COL4A3: variants seen among roughly 807,000 people sequenced by gnomAD.
COL4A3 encodes the protein collagen type IV alpha 3 chain.
COL4A3 carries 135 observed loss-of-function variants against 217.4 expected under a neutral mutation model. The observed-to-expected ratio is 0.62, with a 90% confidence interval of 0.54 to 0.72. COL4A3 has a LOEUF of 0.72. Among genes scored for constraint, COL4A3 ranks in the 30% least tolerant of loss-of-function variants. The pLI, the probability that COL4A3 is intolerant of heterozygous loss-of-function variation, is 0.00. For missense variants in COL4A3, 1,868 were observed against 2,119.9 expected, an observed-to-expected ratio of 0.88 and a Z score of 2.33; for synonymous variants, 690 against 736.3, an observed-to-expected ratio of 0.94 and a Z score of 1.02.
chr2:227,298,671 C>A lies in COL4A3; in HGVS notation c.3752-11C>A, dbSNP rs1325338876. 1 of 1,613,638 alleles carries A rather than the reference C, an allele frequency of 6.2e-7. No homozygotes were observed. Among genetic ancestry groups the A allele is most frequent in the South Asian group, 1.1e-5 (1 of 91,004 alleles). ...TGGCTGGCAATACTGACAGACTTTT[C>A]ATGAATTCAGGTGCGCCTGGTCCCC... On this transcript the variant is annotated splice_polypyrimidine_tract_variant and intron_variant, in intron 42 of 51. Transcript: ENST00000396578.
At chr2:227,304,314 A>C in intron 46 of COL4A3, 170 bp downstream of exon 46, 1 of 759,096 alleles carries the variant, frequency 1.3e-6, no homozygotes, top group Non-Finnish European at 2.2e-6. Context: ...CAGCAAATAA[A>C]AGACCTTGGA....
At chr2:227,272,907 A>G (rs1250917888) in intron 25 of COL4A3, 42 bp from the exon 26 acceptor site, 2 of 1,599,980 alleles carry the variant, frequency 1.3e-6, no homozygotes, top group South Asian at 2.2e-5. Context: ...GTAAGAATAT[A>G]CTGGAATGAA....
intron 9 of COL4A3, among the ~76,000 whole-genome samples, chr2:227,249,455 C>T (rs1474015420): frequency 6.6e-6 from 1 of 150,590 alleles, no homozygotes; most frequent in African/African-American, 2.5e-5. Context: ...AGGCTGGTCT[C>T]GAGCTCCCGA....
intron 1 of COL4A3, among the ~76,000 whole-genome samples, chr2:227,189,507 CA>C (rs1282225821): frequency 2.0e-5 from 3 of 152,142 alleles, no homozygotes; most frequent in Non-Finnish European, 4.4e-5. Flanking sequence ...TGCACCCTCC[CA>C]AATTTAGCAT....
rs2072175479 is a variant in COL4A3 at position 227,284,192 on chromosome 2, T to C, written c.2747-19T>C. The C allele has an allele frequency of 1.2e-6, 2 of 1,613,904 alleles. No individual in the cohort carries two copies. Among genetic ancestry groups the C allele is most frequent in the African/African-American group, 2.7e-5 (2 of 74,912 alleles). On this transcript the variant is annotated intron_variant, in intron 33 of 51. Transcript: ENST00000396578. Reference sequence around the variant, plus strand: ...ACCTGAAGAATTAAGGACCTGATGTTGTTACTCCTGTCTGTTAGGGAGCCC... The same window carrying C: ...ACCTGAAGAATTAAGGACCTGATGTCGTTACTCCTGTCTGTTAGGGAGCCC...
chr2:227,194,340 G>A (rs1278272372), intron 1 of COL4A3, among the ~76,000 whole-genome samples: 1 of 152,092 alleles, frequency 6.6e-6, no homozygotes, highest in Non-Finnish European at 1.5e-5. Context: ...AAGAAAGAGA[G>A]TGGTATTGAG....
chr2:227,192,402 A>G (rs1186053555), intron 1 of COL4A3, among the ~76,000 whole-genome samples: 1 of 152,180 alleles, frequency 6.6e-6, no homozygotes, highest in Non-Finnish European at 1.5e-5. Flanking sequence ...TGCTCATTTC[A>G]TTTTCCTCAG....
chr2:227,288,426 A>G (rs1432184613), intron 34 of COL4A3, among the ~76,000 whole-genome samples: 1 of 152,180 alleles, frequency 6.6e-6, no homozygotes, highest in Non-Finnish European at 1.5e-5. Context: ...GGAGAAGAGT[A>G]TGATCAAAGT....
At chr2:227,233,813 C>T (rs766962130) in intron 1 of COL4A3, among the ~76,000 whole-genome samples, 50 of 152,100 alleles carry the variant, frequency 3.3e-4, no homozygotes, top group Non-Finnish European at 4.0e-4. Flanking sequence ...GCCTCTCACC[C>T]GACTGCTAAG....
intron 35 of COL4A3, 45 bp downstream of exon 35, chr2:227,289,293 C>T (rs766704102): frequency 6.7e-7 from 1 of 1,490,838 alleles, no homozygotes; most frequent in Non-Finnish European, 9.3e-7. Flanking sequence ...TTTACACTTT[C>T]CTACATCTAA....
At chr2:227,241,692 G>GTA (rs569303340) in intron 3 of COL4A3, among the ~76,000 whole-genome samples, 3,196 of 151,646 alleles carry the variant, frequency 0.021, 104 homozygotes, top group African/African-American at 0.072. Context: ...ATACGTGTGT[G>GTA]TATATATATA....
intron 34 of COL4A3, among the ~76,000 whole-genome samples, chr2:227,285,353 A>G (rs1410383594): frequency 6.6e-6 from 1 of 151,244 alleles, no homozygotes; most frequent in African/African-American, 2.4e-5. Context: ...CTAACTGGCA[A>G]GTTAGGAAGT....
intron 1 of COL4A3, among the ~76,000 whole-genome samples, chr2:227,182,722 A>T (rs2065898736): frequency 6.6e-6 from 1 of 152,216 alleles, no homozygotes; most frequent in Non-Finnish European, 1.5e-5. Flanking sequence ...ACAGATTTGT[A>T]ATAAAGGCCT....
chr2:227,205,910 T>C (rs1271446385), intron 1 of COL4A3, among the ~76,000 whole-genome samples: 2 of 152,188 alleles, frequency 1.3e-5, no homozygotes, highest in Admixed American at 6.5e-5. Flanking sequence ...GCATTGTATC[T>C]GGGGAGATCA....
At chr2:227,167,067 C>T (rs2065303565) in intron 1 of COL4A3, among the ~76,000 whole-genome samples, 1 of 152,186 alleles carries the variant, frequency 6.6e-6, no homozygotes, top group African/African-American at 2.4e-5. Context: ...TTATTAGAAA[C>T]TTCTCAAATT....
At chr2:227,307,116 T>C (rs1444244786) in intron 47 of COL4A3, among the ~76,000 whole-genome samples, 2 of 152,122 alleles carry the variant, frequency 1.3e-5, no homozygotes, top group African/African-American at 4.8e-5. Flanking sequence ...CAGAAACGAT[T>C]TACTTTGTTT....
chr2:227,262,451 G>A (rs2070644654), intron 20 of COL4A3, among the ~76,000 whole-genome samples: 1 of 152,174 alleles, frequency 6.6e-6, no homozygotes, highest in African/African-American at 2.4e-5. Context: ...GATAGGAATT[G>A]CACTGAATCT....
intron 1 of COL4A3, among the ~76,000 whole-genome samples, chr2:227,172,592 T>C (rs1017109226): frequency 7.0e-6 from 1 of 142,186 alleles, no homozygotes; most frequent in African/African-American, 2.7e-5. Context: ...TTTTTTTTTT[T>C]TTTTTTTTTT....
chr2:227,177,734 G>A (rs72971853), intron 1 of COL4A3, among the ~76,000 whole-genome samples: 26,288 of 152,042 alleles, frequency 0.17, 2,448 homozygotes, highest in Admixed American at 0.26. Flanking sequence ...ATCTCGCACC[G>A]TCCTGCTGTG....
Sources: allele counts gnomAD v4.1 joint callset (sites outside exome capture counted in the v4.1 genomes callset), GRCh38; gene constraint gnomAD v4.1.1; transcripts MANE v1.5; gene names NCBI Gene and HGNC (gene_info 2026-07-23, HGNC 2026-07-21).